RIMS2: variants seen among roughly 807,000 people sequenced by gnomAD.
RIMS2 encodes the protein regulating synaptic membrane exocytosis 2.
Under a neutral mutation model 174.4 loss-of-function variants are expected in RIMS2, and 59 were observed. That is an observed-to-expected ratio of 0.34 (90% CI 0.27 to 0.42). The LOEUF (loss-of-function observed/expected upper bound fraction) is 0.42, where lower values mean the gene tolerates loss of function less well. Ranked by LOEUF, RIMS2 falls within the 10% of genes least tolerant of loss-of-function variation. RIMS2 has a pLI of 1.00. For synonymous variants in RIMS2, 606 were observed against 572.5 expected, an observed-to-expected ratio of 1.06 and a Z score of -0.84; for missense variants, 1,620 against 1,666.3, an observed-to-expected ratio of 0.97 and a Z score of 0.48.
chr8:103,810,878 G>A (rs954259805), intron 3 of RIMS2, among the ~76,000 whole-genome samples: 3 of 152,206 alleles, frequency 2.0e-5, no homozygotes, highest in Non-Finnish European at 4.4e-5. Flanking sequence ...GGAGGCCAAT[G>A]TTATTCCATA....
intron 19 of RIMS2, among the ~76,000 whole-genome samples, chr8:104,207,775 T>C (rs1434360475): frequency 2.0e-5 from 3 of 151,558 alleles, no homozygotes; most frequent in Non-Finnish European, 4.4e-5. Flanking sequence ...ATCACGCCAT[T>C]GCACTACAGT....
intron 2 of RIMS2, among the ~76,000 whole-genome samples, chr8:103,741,202 C>G (rs1680364619): frequency 6.6e-6 from 1 of 151,964 alleles, no homozygotes; most frequent in Non-Finnish European, 1.5e-5. Flanking sequence ...GACTGGTTTT[C>G]TTTCAAAATT....
chr8:103,591,632 T>A (rs1245897323), intron 1 of RIMS2, among the ~76,000 whole-genome samples: 2 of 151,226 alleles, frequency 1.3e-5, no homozygotes, highest in South Asian at 2.1e-4. Context: ...TTTTTCCATA[T>A]GGATATCCAG....
intron 14 of RIMS2, among the ~76,000 whole-genome samples, chr8:103,951,168 G>A (rs536279012): frequency 1.3e-5 from 2 of 152,174 alleles, no homozygotes; most frequent in East Asian, 1.9e-4. Flanking sequence ...AACATTCCAC[G>A]TTTCTTCATG....
chr8:103,610,221 G>A (rs2095319435), intron 1 of RIMS2, among the ~76,000 whole-genome samples: 1 of 152,240 alleles, frequency 6.6e-6, no homozygotes, highest in East Asian at 1.9e-4. Context: ...TCAGACCAAG[G>A]TGCTTTTGGG....
chr8:103,702,756 C>T lies in RIMS2; in HGVS notation c.387+5460C>T, dbSNP rs1158227368. ...ATTTCTGAATTCTCTGTTCTTTTCC[C>T]TGGGTCTATGTCTGTTTTTATGCTA... On this transcript the variant is annotated intron_variant, in intron 2 of 23. Transcript: ENST00000504942. Among the ~76,000 whole-genome samples the T allele has an allele frequency of 1.4e-4, 21 of 151,552 alleles. 1 individual carries two copies. Among genetic ancestry groups the T allele is most frequent in the Admixed American group, 1.4e-3 (21 of 15,200 alleles).
At chr8:104,188,813 G>C (rs2098982834) in intron 19 of RIMS2, among the ~76,000 whole-genome samples, 2 of 151,706 alleles carry the variant, frequency 1.3e-5, no homozygotes, top group African/African-American at 4.8e-5. Flanking sequence ...GTATTTTCCA[G>C]GCTTTCTATG....
At chr8:103,964,195 C>G (rs542036917) in intron 15 of RIMS2, among the ~76,000 whole-genome samples, 1 of 152,204 alleles carries the variant, frequency 6.6e-6, no homozygotes, top group Non-Finnish European at 1.5e-5. Context: ...CCAACCAGCA[C>G]AATTGCTGGA....
intron 19 of RIMS2, among the ~76,000 whole-genome samples, chr8:104,157,857 A>G (rs1013528610): frequency 3.9e-5 from 6 of 152,182 alleles, no homozygotes; most frequent in African/African-American, 1.4e-4. Flanking sequence ...TTGCTGGATC[A>G]TATGATAATT....
intron 3 of RIMS2, among the ~76,000 whole-genome samples, chr8:103,809,046 A>T (rs921138504): frequency 6.6e-6 from 1 of 152,174 alleles, no homozygotes. Context: ...GAATCTCAAC[A>T]GTTTTCCATG....
chr8:103,912,970 GT>G (rs1272975359), intron 6 of RIMS2, among the ~76,000 whole-genome samples: 111 of 114,876 alleles, frequency 9.7e-4, no homozygotes, highest in East Asian at 3.9e-3. Context: ...TTTTTTTGTT[GT>G]TTTTTTTTTT....
At position 103,602,429 on chromosome 8, in the gene RIMS2, T is replaced by G. The variant is rs541245952; in HGVS notation, c.177-94657T>G. Among the ~76,000 whole-genome samples, 400 of 151,732 alleles carry G rather than the reference T, an allele frequency of 2.6e-3. 2 individuals are homozygous for G. The highest frequency in any genetic ancestry group is 4.4e-3 in the Non-Finnish European group (299 of 67,974). On this transcript the variant is annotated intron_variant, in intron 1 of 23. Coordinates refer to ENST00000504942, the Ensembl canonical transcript of RIMS2. ...TAATAAGCATAGTACTTAATAGGTA[T>G]TTTTTTTCCTGATCCCATCCCTCCT...
chr8:103,920,872 G>C (rs911211734), intron 9 of RIMS2: 3 of 343,498 alleles, frequency 8.7e-6, no homozygotes, highest in Non-Finnish European at 1.1e-5. Context: ...GGTGGCAGGC[G>C]CCTGTAGTCC....
intron 2 of RIMS2, among the ~76,000 whole-genome samples, chr8:103,722,614 T>A (rs1156253623): frequency 6.6e-6 from 1 of 152,136 alleles, no homozygotes; most frequent in Non-Finnish European, 1.5e-5. Context: ...GGAGCTGCTA[T>A]AAATATAGAT....
At chr8:103,773,284 C>T (rs1201241231) in intron 3 of RIMS2, among the ~76,000 whole-genome samples, 1 of 152,004 alleles carries the variant, frequency 6.6e-6, no homozygotes, top group Non-Finnish European at 1.5e-5. Flanking sequence ...ATGCATATTG[C>T]TTAAAAAGAT....
chr8:103,730,596 AC>A, intron 2 of RIMS2, among the ~76,000 whole-genome samples: 1 of 152,144 alleles, frequency 6.6e-6, no homozygotes, highest in Non-Finnish European at 1.5e-5. Context: ...TGGTCTTTCT[AC>A]TCAAGTTATG....
intron 19 of RIMS2, among the ~76,000 whole-genome samples, chr8:104,092,237 A>G (rs2097673778): frequency 6.6e-6 from 1 of 151,758 alleles, no homozygotes; most frequent in Non-Finnish European, 1.5e-5. Flanking sequence ...ATGAATTGTC[A>G]TTCGTGGGGG....
intron 3 of RIMS2, 53 bp downstream of exon 6, chr8:103,766,590 C>A: frequency 8.5e-7 from 1 of 1,180,222 alleles, no homozygotes; most frequent in East Asian, 2.5e-5. Flanking sequence ...GTCTTCATTC[C>A]AAACAGAGAT....
At chr8:103,533,921 A>AT (rs1488934073) in intron 1 of RIMS2, among the ~76,000 whole-genome samples, 1 of 152,168 alleles carries the variant, frequency 6.6e-6, no homozygotes, top group Admixed American at 6.5e-5. Flanking sequence ...ACTTCTGTGC[A>AT]TTTTTGTCAG....
Sources: gnomAD v4.1 joint callset for allele counts (sites outside exome capture counted in the v4.1 genomes callset) on GRCh38, gnomAD v4.1.1 for gene constraint, MANE v1.5 for transcripts, NCBI Gene and HGNC (gene_info 2026-07-23, HGNC 2026-07-21) for gene names.